LRTM1: variants seen among roughly 807,000 people sequenced by gnomAD.
The protein encoded by LRTM1 is leucine rich repeat transmembrane protein 1, also known as leucine-rich repeat and transmembrane domain-containing protein 1.
LRTM1 carries 38 observed loss-of-function variants against 32.4 expected under a neutral mutation model. That is an observed-to-expected ratio of 1.17 (90% confidence interval 0.91 to 1.54). The LOEUF is 1.54. Among genes scored for constraint, LRTM1 ranks in the 40% most tolerant of loss-of-function variants. The pLI, the probability that LRTM1 is intolerant of heterozygous loss-of-function variation, is 0.00. For missense variants in LRTM1, 466 were observed against 415.4 expected (o/e 1.12, Z -1.06); for synonymous variants, 186 against 169.9 (o/e 1.09, Z -0.74).
In LRTM1 at chr3:54,918,433, A is replaced by G. The variant is rs1700726505; in HGVS notation, c.*26T>C. 1.2e-6 allele frequency: 2 copies of G among 1,602,994 alleles called. No individual in the cohort carries two copies. Among genetic ancestry groups the G allele is most frequent in the Non-Finnish European group, 1.7e-6 (2 of 1,174,638 alleles). On this transcript the variant is annotated 3_prime_UTR_variant, in exon 3 of 3. Transcript: ENST00000273286. Reference sequence around the variant, plus strand: ...AGACACTATCTTCTGGCCTGCAATGACCAATCCTATTTGAGACAAAAGCTC... The same window carrying G: ...AGACACTATCTTCTGGCCTGCAATGGCCAATCCTATTTGAGACAAAAGCTC...
At chr3:54,928,795 T>C (rs1701103985), upstream of LRTM1, among the ~76,000 whole-genome samples, 1 of 151,842 alleles carries the variant, frequency 6.6e-6, no homozygotes, top group African/African-American at 2.4e-5. Flanking sequence ...TCCCTGATGC[T>C]GAGGTCCTGG....
At position 54,927,222 on chromosome 3, in the gene LRTM1, A is replaced by G. The variant is rs138285558; in HGVS notation, c.7+683T>C. On this transcript the variant is annotated intron_variant, in intron 1 of 2. Coordinates refer to ENST00000273286, the MANE Select transcript of LRTM1 (RefSeq NM_020678.4). ...TTCCCCTTTCTTCCTTAAATTCTCT[A>G]CTGAGGCTAACAGTGCTCTAGGGCA... Among the ~76,000 whole-genome samples, 425 of 152,224 alleles carry G rather than the reference A, an allele frequency of 2.8e-3. 2 individuals carry two copies. The highest frequency in any genetic ancestry group is 9.8e-3 in the African/African-American group (409 of 41,542).
At chr3:54,925,799 C>A (rs1342059047) in intron 1 of LRTM1, among the ~76,000 whole-genome samples, 1 of 152,188 alleles carries the variant, frequency 6.6e-6, no homozygotes, top group Admixed American at 6.5e-5. Flanking sequence ...TTTTAAACAA[C>A]AGTAGCCACA....
chr3:54,921,454 T>C (rs115836396), intron 2 of LRTM1, among the ~76,000 whole-genome samples: 348 of 152,282 alleles, frequency 2.3e-3, no homozygotes, highest in Non-Finnish European at 3.9e-3. Flanking sequence ...GAGAGAAATA[T>C]TAATCATACA....
Position 54,918,730 on chromosome 3 carries a change from C to G in LRTM1, c.767G>C (p.Arg256Thr), listed in dbSNP as rs1700742345. The change falls in exon 3 of 3, where the codon AGG (arginine) becomes ACG (threonine). Residue 256 changes from arginine (R) to threonine (T), a missense_variant. Arg to Thr is a moderately conservative substitution (Grantham distance 71, BLOSUM62 -1). Coordinates refer to ENST00000273286, the MANE Select transcript of LRTM1 (RefSeq NM_020678.4). ...CCCCGCGTTGTGGTTCTCAGGAGGC[C>G]TCAGGACCACACCGTGGGCAGAGCC... ...WPGSAHGVVL[R>T]PPENHNAGER... is the part of the protein sequence containing the mutation. The G allele has an allele frequency of 6.2e-7, 1 of 1,614,024 alleles. No individual in the cohort carries two copies. The highest frequency in any genetic ancestry group is 1.3e-5 in the African/African-American group (1 of 74,930).
chr3:54,933,286 A>G (rs1486453238), intron 1 of LRTM1, among the ~76,000 whole-genome samples: 1 of 152,354 alleles, frequency 6.6e-6, no homozygotes, highest in Non-Finnish European at 1.5e-5. Context: ...TATTTTAACA[A>G]ACAACACCCA....
At position 54,962,863 on chromosome 3, in the gene LRTM1, C is replaced by A. The variant is rs147319172; in HGVS notation, c.-222+4065G>T. On this transcript the variant is annotated intron_variant, in intron 1 of 2. Coordinates refer to the LRTM1 transcript ENST00000493075. Reference sequence around the variant, plus strand: ...CACTATTTTACAAACCAGATCTGTGCCCCTCTAGTATGTTGCAAGTTGAGG... The same window carrying A: ...CACTATTTTACAAACCAGATCTGTGACCCTCTAGTATGTTGCAAGTTGAGG... Among the ~76,000 whole-genome samples, 436 of 152,188 alleles carry A rather than the reference C, an allele frequency of 2.9e-3. 2 individuals are homozygous for A. Among genetic ancestry groups the A allele is most frequent in the Non-Finnish European group, 4.1e-3 (279 of 68,026 alleles).
intron 1 of LRTM1, among the ~76,000 whole-genome samples, chr3:54,955,066 G>A (rs994098959): frequency 1.3e-5 from 2 of 152,264 alleles, no homozygotes; most frequent in South Asian, 4.2e-4. Flanking sequence ...ACAAAAGACC[G>A]ATTAGTAGGA....
chr3:54,965,835 C>A (rs1702135779), intron 1 of LRTM1, among the ~76,000 whole-genome samples: 1 of 152,126 alleles, frequency 6.6e-6, no homozygotes, highest in Admixed American at 6.5e-5. Context: ...GGGCAACAAC[C>A]TCATGGTGCA....
chr3:54,964,059 C>G (rs999061867), intron 1 of LRTM1, among the ~76,000 whole-genome samples: 4 of 152,032 alleles, frequency 2.6e-5, no homozygotes, highest in Admixed American at 2.0e-4. Flanking sequence ...ATTCTGGGCT[C>G]TTTGAGATGG....
chr3:54,959,776 T>C (rs1202854293), intron 1 of LRTM1, among the ~76,000 whole-genome samples: 1 of 152,176 alleles, frequency 6.6e-6, no homozygotes, highest in Non-Finnish European at 1.5e-5. Context: ...GAAAACTTTA[T>C]TGAAATAATA....
chr3:54,938,775 T>C (rs1398083564), intron 1 of LRTM1, among the ~76,000 whole-genome samples: 1 of 152,158 alleles, frequency 6.6e-6, no homozygotes, highest in East Asian at 1.9e-4. Context: ...GAAAAAGTTG[T>C]TGTGGTCTGT....
chr3:54,921,921 AAAG>A (rs895503242), intron 2 of LRTM1, among the ~76,000 whole-genome samples: 2 of 148,868 alleles, frequency 1.3e-5, no homozygotes, highest in Non-Finnish European at 3.0e-5. Context: ...TCTTTTTTTA[AAAG>A]AAGATCTTGA....
upstream of LRTM1, among the ~76,000 whole-genome samples, chr3:54,931,926 A>G (rs969904701): frequency 1.3e-5 from 2 of 152,184 alleles, no homozygotes; most frequent in African/African-American, 4.8e-5. Context: ...CACGCTTGCA[A>G]TCCTAGCACT....
intron 2 of LRTM1, among the ~76,000 whole-genome samples, chr3:54,919,483 C>T (rs1208452537): frequency 2.6e-5 from 4 of 152,282 alleles, no homozygotes; most frequent in Middle Eastern, 6.8e-3. Context: ...GAATGTGTCT[C>T]CTCAGGCCTC....
intron 1 of LRTM1, among the ~76,000 whole-genome samples, chr3:54,961,536 C>G (rs1452820714): frequency 1.3e-5 from 2 of 152,152 alleles, no homozygotes; most frequent in Non-Finnish European, 2.9e-5. Context: ...TAGAACAAGC[C>G]AGTGCAAGTC....
At chr3:54,931,095 CAAAACAAAACAA>C (rs1701177673), upstream of LRTM1, among the ~76,000 whole-genome samples, 4 of 152,054 alleles carry the variant, frequency 2.6e-5, no homozygotes, top group Admixed American at 6.6e-5. Flanking sequence ...GACTCCTTCT[CAAAACAAAACAA>C]AAAACAAAGT....
chr3:54,963,757 C>T lies in LRTM1; in HGVS notation c.-222+3171G>A, dbSNP rs193279448. 6.6e-5 allele frequency among the ~76,000 whole-genome samples: 10 copies of T among 152,290 alleles called. No homozygotes were observed. In the South Asian group the frequency reaches 1.9e-3, roughly 28 times the overall value. Reference sequence around the variant, plus strand: ...TTTGACTGCCCTCCCCAGGCCTGTACCCCTGGCGGTTGTGTCTCTCACATC... The same window carrying T: ...TTTGACTGCCCTCCCCAGGCCTGTATCCCTGGCGGTTGTGTCTCTCACATC... On this transcript the variant is annotated intron_variant, in intron 1 of 2. Transcript: ENST00000493075.
intron 1 of LRTM1, among the ~76,000 whole-genome samples, chr3:54,952,676 C>T (rs1276051027): frequency 6.6e-6 from 1 of 152,124 alleles, no homozygotes; most frequent in African/African-American, 2.4e-5. Flanking sequence ...ATCTGGTGTT[C>T]ATGGGTTCAA....
Sources: gnomAD v4.1 joint callset for allele counts (sites outside exome capture counted in the v4.1 genomes callset) on GRCh38, gnomAD v4.1.1 for gene constraint, MANE v1.5 for transcripts, NCBI Gene and HGNC (gene_info 2026-07-23, HGNC 2026-07-21) for gene names.